PUDP: variants seen among roughly 807,000 people sequenced by gnomAD.
PUDP encodes pseudouridine 5'-phosphatase.
In PUDP, 8 loss-of-function variants were observed where a neutral mutation model predicts 9.4. That is an observed-to-expected ratio of 0.85 (90% CI 0.50 to 1.53). The LOEUF (loss-of-function observed/expected upper bound fraction) is 1.53. Ranked by LOEUF, PUDP falls within the 40% of genes most tolerant of loss-of-function variation. The pLI, the probability that PUDP is intolerant of heterozygous loss-of-function variation, is 0.00. For missense variants in PUDP, 188 were observed against 189.7 expected (o/e 0.99, Z 0.05); for synonymous variants, 99 against 80.7 (o/e 1.23, Z -1.22).
At chrX:6,719,020 G>A (rs190494744) in intron 1 of PUDP, among the ~76,000 whole-genome samples, 18 of 111,079 alleles carry the variant, frequency 1.6e-4, no homozygotes, top group East Asian at 1.1e-3. Context: ...TGGGGACCTC[G>A]ACCCTGACTG....
chrX:6,860,633 G>A (rs778713810), intron 3 of PUDP, among the ~76,000 whole-genome samples: 135 of 110,319 alleles, frequency 1.2e-3, no homozygotes, highest in African/African-American at 4.3e-3. Flanking sequence ...CACCACACCC[G>A]GCTAATTTTT....
intron 3 of PUDP, among the ~76,000 whole-genome samples, chrX:6,944,244 TGTGAA>T (rs1429801491): frequency 9.0e-6 from 1 of 111,375 alleles, no homozygotes; most frequent in Non-Finnish European, 1.9e-5. Flanking sequence ...CCTGCCACCT[TGTGAA>T]GAAGTTGCTT....
chrX:6,710,408 T>A (rs972377818), intron 1 of PUDP, among the ~76,000 whole-genome samples: 3 of 111,278 alleles, frequency 2.7e-5, no homozygotes, highest in Non-Finnish European at 5.7e-5. Flanking sequence ...CTCGCCACCC[T>A]TCCACTCCAT....
chrX:6,790,806 G>T (rs1925732763), intron 3 of PUDP, among the ~76,000 whole-genome samples: 1 of 112,041 alleles, frequency 8.9e-6, no homozygotes, highest in African/African-American at 3.2e-5. Flanking sequence ...CCTTTCTAGG[G>T]TGCTTTTCAT....
rs765384378 is a variant in PUDP at position 7,105,636 on chromosome X, C to T, written c.264G>A (p.Thr88=). The T allele has an allele frequency of 3.3e-6, 4 of 1,207,426 alleles. No individual in the cohort carries two copies. The highest frequency in any genetic ancestry group is 2.2e-5 in the Admixed American group (1 of 45,799). ...SQTKLKEVFP[T]AALMPGAEKL... Reference sequence around the variant, plus strand: ...CAACCGCACCTGGCATGAGCGCAGCCGTGGGGAACACTTCCTTTAACTTCG... The same window carrying T: ...CAACCGCACCTGGCATGAGCGCAGCTGTGGGGAACACTTCCTTTAACTTCG... Residue 88 remains threonine, a synonymous_variant, in exon 2 of 4, where the codon ACG becomes ACA. Coordinates refer to ENST00000381077, the MANE Select transcript of PUDP (RefSeq NM_012080.5).
At chrX:7,107,825 T>G (rs1050827638) in intron 1 of PUDP, among the ~76,000 whole-genome samples, 2 of 112,187 alleles carry the variant, frequency 1.8e-5, no homozygotes, top group Non-Finnish European at 3.8e-5. Context: ...CGAAATTATG[T>G]CTTCAAAAAA....
chrX:7,142,051 G>A (rs1225894999), intron 1 of PUDP, among the ~76,000 whole-genome samples: 1 of 112,267 alleles, frequency 8.9e-6, no homozygotes, highest in East Asian at 2.8e-4. Context: ...AGATGTACAA[G>A]GAGATTCGTG....
At chrX:6,714,425 G>A (rs191866692) in intron 1 of PUDP, among the ~76,000 whole-genome samples, 1 of 111,470 alleles carries the variant, frequency 9.0e-6, no homozygotes, top group Admixed American at 9.5e-5. Context: ...CACAAACGAC[G>A]GAGGATACAC....
chrX:6,941,598 G>T (rs2146777152), intron 3 of PUDP, among the ~76,000 whole-genome samples: 1 of 110,511 alleles, frequency 9.0e-6, no homozygotes, highest in South Asian at 3.8e-4. Context: ...CAAAGTGCTG[G>T]GATTATAGGT....
At chrX:6,800,173 A>G (rs1925909588) in intron 3 of PUDP, among the ~76,000 whole-genome samples, 1 of 112,107 alleles carries the variant, frequency 8.9e-6, no homozygotes, top group Admixed American at 9.5e-5. Context: ...ATCGCCAGAT[A>G]ATGGATTACA....
At chrX:6,751,153 A>G (rs1925073283) in intron 3 of PUDP, among the ~76,000 whole-genome samples, 1 of 110,270 alleles carries the variant, frequency 9.1e-6, no homozygotes, top group Non-Finnish European at 1.9e-5. Flanking sequence ...AAAAAAGGAA[A>G]GAAAGAAAAA....
At chrX:6,751,181 A>AAAGAAAGAAAGAAAGAAAG (rs1569091929) in intron 3 of PUDP, among the ~76,000 whole-genome samples, 3 of 110,095 alleles carry the variant, frequency 2.7e-5, no homozygotes, top group African/African-American at 9.9e-5. Flanking sequence ...AAGAAAGAAA[A>AAAGAAAGAAAGAAAGAAAG]AAAGAAAGAA....
intron 3 of PUDP, among the ~76,000 whole-genome samples, chrX:6,811,612 T>C (rs1287717473): frequency 1.0e-5 from 1 of 99,732 alleles, no homozygotes; most frequent in Admixed American, 1.1e-4. Context: ...GTGTGAGCCA[T>C]CACGCCTGGC....
At chrX:6,843,695 T>C (rs193103701) in intron 3 of PUDP, among the ~76,000 whole-genome samples, 9 of 111,993 alleles carry the variant, frequency 8.0e-5, no homozygotes, top group African/African-American at 2.9e-4. Flanking sequence ...ATGGGAACCA[T>C]GCCCCTCCAG....
intron 3 of PUDP, among the ~76,000 whole-genome samples, chrX:6,945,007 G>A (rs938312087): frequency 3.6e-5 from 4 of 111,930 alleles, no homozygotes; most frequent in Admixed American, 1.9e-4. Context: ...TAAAACCGAC[G>A]TATGGCCTCC....
chrX:7,080,986 G>A (rs1288706259), intron 2 of PUDP, among the ~76,000 whole-genome samples: 1 of 109,547 alleles, frequency 9.1e-6, no homozygotes, highest in Non-Finnish European at 1.9e-5. Context: ...TTAAAGCTGA[G>A]TATCAAAACA....
At chrX:7,054,543 G>C (rs1191117943) in intron 3 of PUDP, among the ~76,000 whole-genome samples, 1 of 112,423 alleles carries the variant, frequency 8.9e-6, no homozygotes, top group Admixed American at 9.4e-5. Context: ...AGGAAGACAG[G>C]CCAGTTGGCT....
At chrX:6,822,176 G>A (rs1926352148) in intron 3 of PUDP, among the ~76,000 whole-genome samples, 1 of 111,297 alleles carries the variant, frequency 9.0e-6, no homozygotes, top group South Asian at 3.8e-4. Context: ...CCATGGCCAC[G>A]GGACAACAAA....
At chrX:6,927,795 T>C (rs768296048) in intron 3 of PUDP, among the ~76,000 whole-genome samples, 1 of 111,355 alleles carries the variant, frequency 9.0e-6, no homozygotes, top group African/African-American at 3.3e-5. Context: ...GCGACTTGGA[T>C]CCTGGTGAAA....
Sources: gnomAD v4.1 joint callset for allele counts (sites outside exome capture counted in the v4.1 genomes callset) on GRCh38, gnomAD v4.1.1 for gene constraint, MANE v1.5 for transcripts, NCBI Gene and HGNC (gene_info 2026-07-23, HGNC 2026-07-21) for gene names.